The following LRRC8B variants were observed in gnomAD, a reference collection of about 807,000 sequenced individuals.
LRRC8B encodes volume-regulated anion channel subunit LRRC8B.
In LRRC8B, 23 loss-of-function variants were observed where a neutral mutation model predicts 58.8. That is an observed-to-expected ratio of 0.39 (90% CI 0.28 to 0.55). The LOEUF (loss-of-function observed/expected upper bound fraction) is 0.55. Ranked by LOEUF, LRRC8B falls within the 20% of genes least tolerant of loss-of-function variation. The pLI is 0.62. For synonymous variants in LRRC8B, 359 were observed against 374.1 expected, an observed-to-expected ratio of 0.96 and a Z score of 0.47; for missense variants, 694 against 936.0, an observed-to-expected ratio of 0.74 and a Z score of 3.37.
intron 1 of LRRC8B, among the ~76,000 whole-genome samples, chr1:89,561,105 A>G (rs1477225607): frequency 6.6e-6 from 1 of 150,822 alleles, no homozygotes; most frequent in Admixed American, 6.6e-5. Flanking sequence ...GGTATCTCAT[A>G]GTGGTTTTGA....
chr1:89,525,238 G>A (rs1032145418), intron 1 of LRRC8B, among the ~76,000 whole-genome samples: 1 of 152,234 alleles, frequency 6.6e-6, no homozygotes, highest in Non-Finnish European at 1.5e-5. Flanking sequence ...CGGGAGAGAC[G>A]GAGTCCCACG....
intron 3 of LRRC8B, among the ~76,000 whole-genome samples, chr1:89,572,155 G>A (rs1233735711): frequency 5.9e-5 from 9 of 152,310 alleles, no homozygotes; most frequent in South Asian, 4.1e-4. Context: ...CTTTAAGAAT[G>A]TTGAATATTG....
At chr1:89,574,258 G>T in intron 3 of LRRC8B, among the ~76,000 whole-genome samples, 1 of 152,188 alleles carries the variant, frequency 6.6e-6, no homozygotes, top group East Asian at 1.9e-4. Context: ...ATTATGAATT[G>T]TTACTTTAGC....
At chr1:89,546,429 C>T (rs1305136964) in intron 1 of LRRC8B, among the ~76,000 whole-genome samples, 2 of 152,100 alleles carry the variant, frequency 1.3e-5, no homozygotes, top group African/African-American at 2.4e-5. Context: ...GGACTTTTTG[C>T]GAACCAAGTT....
intron 1 of LRRC8B, among the ~76,000 whole-genome samples, chr1:89,565,892 GAA>G (rs1553157470): frequency 1.3e-5 from 2 of 152,212 alleles, no homozygotes; most frequent in South Asian, 4.1e-4. Context: ...GCACTGTATC[GAA>G]AAAGAGTAGC....
At chr1:89,537,460 TTTTTGTTTTG>T (rs750338046) in intron 1 of LRRC8B, among the ~76,000 whole-genome samples, 2 of 151,982 alleles carry the variant, frequency 1.3e-5, no homozygotes, top group East Asian at 1.9e-4. Context: ...ATTGGTGTGT[TTTTTGTTTTG>T]TTTTGTTTTG....
intron 3 of LRRC8B, among the ~76,000 whole-genome samples, chr1:89,569,295 A>G (rs1007228615): frequency 3.9e-5 from 6 of 152,024 alleles, no homozygotes; most frequent in Non-Finnish European, 5.9e-5. Context: ...TTAACTATAA[A>G]TTTTTTTTAA....
rs1292972171 is a variant in LRRC8B at position 89,538,962 on chromosome 1, T to TA, written c.-241+13940_-241+13941insA. Among the ~76,000 whole-genome samples the TA allele has an allele frequency of 2.0e-5, 3 of 152,308 alleles. No homozygotes were observed. The East Asian group carries it at 5.8e-4, about 29-fold the overall frequency. On this transcript the variant is annotated intron_variant, in intron 1 of 5. Coordinates refer to ENST00000330947, the MANE Select transcript of LRRC8B (RefSeq NM_001369817.2). The stretch of plus-strand genomic sequence containing the variant: ...GTCTCAAACTCCTGACCTCAGGTGA[T>TA]CCACCCATCTTGGCCTCCCAAAGTG...
chr1:89,527,784 G>A (rs990493994), intron 1 of LRRC8B, among the ~76,000 whole-genome samples: 7 of 152,068 alleles, frequency 4.6e-5, no homozygotes, highest in East Asian at 1.9e-4. Context: ...AGTAAAATTA[G>A]GCCTAGCTCC....
At chr1:89,592,133 T>A (rs970645000) in intron 5 of LRRC8B, among the ~76,000 whole-genome samples, 1 of 152,318 alleles carries the variant, frequency 6.6e-6, no homozygotes, top group African/African-American at 2.4e-5. Context: ...ATATTTATTA[T>A]ATTTAAAAGT....
chr1:89,536,145 A>G (rs1482660305), intron 1 of LRRC8B, among the ~76,000 whole-genome samples: 1 of 152,182 alleles, frequency 6.6e-6, no homozygotes. Context: ...ACATTTGCCC[A>G]TCAATGCTAA....
At position 89,530,912 on chromosome 1, in the gene LRRC8B, T is replaced by C. The variant is rs571904950; in HGVS notation, c.-241+5890T>C. Among the ~76,000 whole-genome samples the C allele has an allele frequency of 1.2e-4, 18 of 152,236 alleles. No homozygotes were observed. In the South Asian group the frequency reaches 2.5e-3, roughly 21 times the overall value. On this transcript the variant is annotated intron_variant, in intron 1 of 5. Transcript: ENST00000330947. ...ATTAGGGGAGTTTGTGGGGAAACAA[T>C]GCCTCTCTAATCCCTGTAACAGCCT... is the stretch of plus-strand genomic sequence containing the variant.
intron 3 of LRRC8B, among the ~76,000 whole-genome samples, chr1:89,569,197 T>C (rs936003761): frequency 6.6e-6 from 1 of 152,200 alleles, no homozygotes; most frequent in African/African-American, 2.4e-5. Flanking sequence ...TGTCACCTAC[T>C]ACATTCTAAA....
At chr1:89,567,092 A>G (rs923149483) in intron 1 of LRRC8B, among the ~76,000 whole-genome samples, 2 of 152,210 alleles carry the variant, frequency 1.3e-5, no homozygotes, top group Admixed American at 6.5e-5. Context: ...GTGCTGACGC[A>G]GGCCGCCTGC....
At chr1:89,540,683 C>T (rs1650896657) in intron 1 of LRRC8B, among the ~76,000 whole-genome samples, 1 of 152,038 alleles carries the variant, frequency 6.6e-6, no homozygotes, top group African/African-American at 2.4e-5. Flanking sequence ...CCCAGGAGCC[C>T]CAAGGAAGGT....
At chr1:89,528,022 C>A (rs895434239) in intron 1 of LRRC8B, among the ~76,000 whole-genome samples, 27 of 152,156 alleles carry the variant, frequency 1.8e-4, no homozygotes, top group African/African-American at 6.5e-4. Flanking sequence ...GCCTTTCTGA[C>A]CTTTTTGCTG....
intron 3 of LRRC8B, among the ~76,000 whole-genome samples, chr1:89,575,101 T>C (rs1211474786): frequency 6.6e-6 from 1 of 152,212 alleles, no homozygotes; most frequent in Non-Finnish European, 1.5e-5. Context: ...TTTAGTGTGC[T>C]TTCCATGTAA....
At chr1:89,548,743 T>C (rs1651592827) in intron 1 of LRRC8B, among the ~76,000 whole-genome samples, 1 of 152,156 alleles carries the variant, frequency 6.6e-6, no homozygotes, top group African/African-American at 2.4e-5. Context: ...TTATAACTTC[T>C]CCTCATAAGA....
chr1:89,545,103 A>G (rs370081750), intron 1 of LRRC8B, among the ~76,000 whole-genome samples: 3 of 152,220 alleles, frequency 2.0e-5, no homozygotes, highest in African/African-American at 7.2e-5. Context: ...ATGCTGTTAC[A>G]TTCCTCCCAG....
Sources: allele counts gnomAD v4.1 joint callset (sites outside exome capture counted in the v4.1 genomes callset), GRCh38; gene constraint gnomAD v4.1.1; transcripts MANE v1.5; gene names NCBI Gene and HGNC (gene_info 2026-07-23, HGNC 2026-07-21).